The following VPS29 variants were observed in gnomAD, a reference collection of about 807,000 sequenced individuals.
VPS29 encodes vacuolar protein sorting-associated protein 29.
In VPS29, 2 loss-of-function variants were observed where a neutral mutation model predicts 20.0. The ratio of observed to expected loss-of-function variants is 0.10; its 90% CI spans 0.04 to 0.31. The LOEUF is 0.31. Among genes scored for constraint, VPS29 ranks in the 10% least tolerant of loss-of-function variants. The probability of loss-of-function intolerance (pLI) is 1.00; values close to 1 mark genes in which losing one functional copy is unlikely to be tolerated. For missense variants in VPS29, 120 were observed against 215.3 expected (o/e 0.56, Z 2.77); for synonymous variants, 81 against 79.3 (o/e 1.02, Z -0.12).
intron 3 of VPS29, among the ~76,000 whole-genome samples, chr12:110,492,510 C>T (rs1019399706): frequency 4.0e-5 from 6 of 150,530 alleles, no homozygotes; most frequent in Admixed American, 4.0e-4. Flanking sequence ...ACAGAGGTTG[C>T]AGTGAGCCAA....
intron 2 of VPS29, 125 bp downstream of exon 2, chr12:110,495,887 T>G (rs571200143): frequency 3.5e-6 from 3 of 856,330 alleles, no homozygotes; most frequent in Non-Finnish European, 5.0e-6. Context: ...ATTTTACATT[T>G]GGAAAAGAAA....
chr12:110,492,078 G>A lies in VPS29; in HGVS notation c.476C>T (p.Thr159Ile). 6.2e-7 allele frequency: 1 copy of A among 1,613,704 alleles called. No individual in the cohort carries two copies. The highest frequency in any genetic ancestry group is 8.5e-7 in the Non-Finnish European group (1 of 1,179,916). ...TAGCTGATACACATAGGTGACCACT[G>A]TAGAAGCCTGGATATCCATCAACAC... Reference protein sequence around the residue: ...SFVLMDIQASTVVTYVYQLIG... With the variant: ...SFVLMDIQASIVVTYVYQLIG... The change falls in exon 4 of 4, where the codon ACA becomes ATA. Residue 159 changes from threonine (T) to isoleucine (I), a missense_variant. Physicochemically the swap from Thr to Ile is moderately conservative, Grantham distance 89. Coordinates refer to ENST00000549578, the MANE Select transcript of VPS29 (RefSeq NM_016226.5).
intron 1 of VPS29, among the ~76,000 whole-genome samples, chr12:110,499,701 T>G (rs779496509): frequency 6.6e-6 from 1 of 151,522 alleles, no homozygotes; most frequent in African/African-American, 2.4e-5. Context: ...TAATGATTTC[T>G]GAGTGTTATG....
chr12:110,492,373 C>G (rs2135565352), intron 3 of VPS29, among the ~76,000 whole-genome samples: 1 of 152,200 alleles, frequency 6.6e-6, no homozygotes, highest in Non-Finnish European at 1.5e-5. Flanking sequence ...AGTTCAATAC[C>G]AGCCTGGCTA....
chr12:110,494,205 A>G (rs2062862028), intron 2 of VPS29, among the ~76,000 whole-genome samples: 1 of 151,818 alleles, frequency 6.6e-6, no homozygotes, highest in Non-Finnish European at 1.5e-5. Flanking sequence ...ACAAACCAAG[A>G]TTAATTGATG....
intron 1 of VPS29, among the ~76,000 whole-genome samples, chr12:110,499,781 T>C (rs190677723): frequency 6.6e-6 from 1 of 152,324 alleles, no homozygotes; most frequent in Non-Finnish European, 1.5e-5. Context: ...TTTTTGAACA[T>C]GACACACACA....
intron 1 of VPS29, among the ~76,000 whole-genome samples, chr12:110,498,107 G>T (rs537361102): frequency 5.9e-5 from 9 of 151,926 alleles, no homozygotes; most frequent in Admixed American, 3.3e-4. Context: ...GAGTAGCTGG[G>T]ATTACAAGCG....
At position 110,494,436 on chromosome 12, in the gene VPS29, A is replaced by G. The variant is rs572577063; in HGVS notation, c.196-1205T>C. ...CCCAGCTAATTTTTTTTGTATTTTT[A>G]GTGGAGACAGGGGTTCACCGTGTTA... On this transcript the variant is annotated intron_variant, in intron 2 of 3. Coordinates refer to ENST00000549578, the MANE Select transcript of VPS29 (RefSeq NM_016226.5). Among the ~76,000 whole-genome samples, 31 of 151,272 alleles carry G rather than the reference A, an allele frequency of 2.0e-4. No homozygotes were observed. The South Asian group carries it at 3.8e-3, about 18-fold the overall frequency.
At position 110,501,830 on chromosome 12, in the gene VPS29, T is replaced by C. The variant is rs1005736110; in HGVS notation, c.3+219A>G. 10 of 1,250,262 alleles carry C rather than the reference T, an allele frequency of 8.0e-6. No individual in the cohort carries two copies. The African/African-American group carries it at 1.0e-4, about 13-fold the overall frequency. The allele number at this position is 1,250,262 out of a possible 1,614,324, so 77.4% of individuals were successfully genotyped here. A position where few individuals can be genotyped will look rare whatever the true frequency, so the allele number is the denominator to read the frequency against. On this transcript the variant is annotated intron_variant, in intron 1 of 3. Coordinates refer to ENST00000549578, the MANE Select transcript of VPS29 (RefSeq NM_016226.5). Reference sequence around the variant, plus strand: ...TACCCCTTGGATGGCCTCTGGCCCCTTGGGGCCGGGATACGAGACCTAGGC... The same window carrying C: ...TACCCCTTGGATGGCCTCTGGCCCCCTGGGGCCGGGATACGAGACCTAGGC...
chr12:110,501,562 A>G (rs1472978220), intron 1 of VPS29: 1 of 1,535,234 alleles, frequency 6.5e-7, no homozygotes, highest in African/African-American at 1.4e-5. Context: ...CCCTTTCCCT[A>G]GATGGCAAAG....
intron 1 of VPS29, chr12:110,499,295 C>T: frequency 2.2e-6 from 1 of 453,904 alleles, no homozygotes; most frequent in South Asian, 3.9e-5. Context: ...TACTTTGAAA[C>T]ATGTTCCCGC....
At chr12:110,501,597 G>A in intron 1 of VPS29, 1 of 1,535,000 alleles carries the variant, frequency 6.5e-7, no homozygotes, top group South Asian at 1.2e-5. Context: ...AATTCTGCTC[G>A]CTACTTCCTG....
intron 1 of VPS29, chr12:110,501,296 G>A: frequency 7.6e-7 from 1 of 1,320,616 alleles, no homozygotes; most frequent in Non-Finnish European, 1.0e-6. Flanking sequence ...GTGATTGCTT[G>A]AAGGTGGCTG....
chr12:110,501,654 G>C (rs1429497752), intron 1 of VPS29: 4 of 1,528,136 alleles, frequency 2.6e-6, no homozygotes, highest in Non-Finnish European at 3.5e-6. Flanking sequence ...CCAACCAGCG[G>C]GAGGTGCTTT....
chr12:110,492,117 A>C lies in VPS29; in HGVS notation c.437T>G (p.Ile146Ser). ...TGAYNALETN[I>S]IPSFVLMDIQ... ...ATCCATCAACACAAATGATGGAATA[A>C]TGTTTCTAGAAGAAAAAATAAATAA... The change falls in exon 4 of 4, where the codon ATT becomes AGT. Residue 146 changes from isoleucine to serine, a missense_variant. By Grantham distance (142) the Ile-to-Ser change is moderately radical. Coordinates refer to ENST00000549578, the MANE Select transcript of VPS29 (RefSeq NM_016226.5). 1 of 1,607,122 alleles carries C rather than the reference A, an allele frequency of 6.2e-7. No individual in the cohort carries two copies. Among genetic ancestry groups the C allele is most frequent in the Non-Finnish European group, 8.5e-7 (1 of 1,175,456 alleles).
At chr12:110,494,060 A>G (rs1414845172) in intron 2 of VPS29, among the ~76,000 whole-genome samples, 1 of 152,064 alleles carries the variant, frequency 6.6e-6, no homozygotes, top group African/African-American at 2.4e-5. Flanking sequence ...TGAAACAGGC[A>G]AAGAGGTTGT....
chr12:110,495,789 C>A (rs1478077858), intron 2 of VPS29, among the ~76,000 whole-genome samples: 14 of 151,332 alleles, frequency 9.3e-5, no homozygotes, highest in Admixed American at 7.9e-4. Context: ...TATTCAGTAT[C>A]TATTTAGTTA....
intron 1 of VPS29, among the ~76,000 whole-genome samples, chr12:110,498,620 T>G (rs2135593246): frequency 6.6e-6 from 1 of 152,340 alleles, no homozygotes; most frequent in Middle Eastern, 3.4e-3. Context: ...GTTTGTAATC[T>G]CAAAGTAACA....
intron 3 of VPS29, among the ~76,000 whole-genome samples, chr12:110,492,564 T>C (rs961606327): frequency 6.6e-6 from 1 of 150,728 alleles, no homozygotes; most frequent in Non-Finnish European, 1.5e-5. Flanking sequence ...AGCAAGACTC[T>C]GTCTCAAAAA....
Sources: allele counts gnomAD v4.1 joint callset (sites outside exome capture counted in the v4.1 genomes callset), GRCh38; gene constraint gnomAD v4.1.1; transcripts MANE v1.5; gene names NCBI Gene and HGNC (gene_info 2026-07-23, HGNC 2026-07-21).